TMEM163: variants seen among roughly 807,000 people sequenced by gnomAD.
The protein encoded by TMEM163 is transmembrane protein 163.
Under a neutral mutation model 29.3 loss-of-function variants are expected in TMEM163, and 17 were observed. The ratio of observed to expected loss-of-function variants is 0.58; its 90% CI spans 0.40 to 0.87. The LOEUF is 0.87. TMEM163 is among the 40% of genes least tolerant of loss of function. The pLI, the probability that TMEM163 is intolerant of heterozygous loss-of-function variation, is 0.00. For missense variants in TMEM163, 303 were observed against 381.5 expected (o/e 0.79, Z 1.71); for synonymous variants, 157 against 160.6 (o/e 0.98, Z 0.17).
intron 2 of TMEM163, among the ~76,000 whole-genome samples, chr2:134,605,054 G>C (rs1682320961): frequency 6.6e-6 from 1 of 151,786 alleles, no homozygotes; most frequent in Non-Finnish European, 1.5e-5. Flanking sequence ...TGGCGCATCT[G>C]TAATCTGAAC....
At chr2:134,660,991 G>A (rs184179878) in intron 2 of TMEM163, among the ~76,000 whole-genome samples, 3 of 152,284 alleles carry the variant, frequency 2.0e-5, no homozygotes, top group East Asian at 1.9e-4. Flanking sequence ...GAGGCGTTTC[G>A]GTCATGGGGG....
At chr2:134,584,222 T>G (rs1681759555) in intron 2 of TMEM163, among the ~76,000 whole-genome samples, 1 of 152,234 alleles carries the variant, frequency 6.6e-6, no homozygotes, top group Admixed American at 6.5e-5. Flanking sequence ...ATTTCTCAAC[T>G]GCTGCCAGCA....
chr2:134,497,834 G>C (rs901310659), intron 5 of TMEM163, among the ~76,000 whole-genome samples: 8 of 152,154 alleles, frequency 5.3e-5, no homozygotes, highest in African/African-American at 1.7e-4. Flanking sequence ...GACAGCTACA[G>C]CTGACTGAAG....
intron 2 of TMEM163, among the ~76,000 whole-genome samples, chr2:134,605,633 C>A (rs1682336857): frequency 6.6e-6 from 1 of 151,284 alleles, no homozygotes; most frequent in Non-Finnish European, 1.5e-5. Flanking sequence ...GGGAGGTGAG[C>A]TGAGATCGCG....
chr2:134,493,664 G>A (rs534013709), intron 5 of TMEM163, among the ~76,000 whole-genome samples: 4 of 152,090 alleles, frequency 2.6e-5, no homozygotes, highest in African/African-American at 4.8e-5. Context: ...GAGCCACTGC[G>A]CCCAGCCTTT....
rs571430811 is a variant in TMEM163 at position 134,456,604 on chromosome 2, C to A, written c.*112G>T. ...GCAGACCTTGTCTTGTAATGACAAA[C>A]CATGTGAAAGAAAACTTCCAAAAAG... On this transcript the variant is annotated 3_prime_UTR_variant, in exon 8 of 8. Transcript: ENST00000281924. 1.5e-6 allele frequency: 2 copies of A among 1,305,024 alleles called. No homozygotes were observed. Among genetic ancestry groups the A allele is most frequent in the East Asian group, 5.0e-5 (2 of 40,020 alleles). The allele number at this position is 1,305,024 out of a possible 1,614,324, so 80.8% of individuals were successfully genotyped here. A position where few individuals can be genotyped will look rare whatever the true frequency, so the allele number is the denominator to read the frequency against.
At chr2:134,708,559 A>G (rs6430532) in intron 2 of TMEM163, among the ~76,000 whole-genome samples, 1 of 150,902 alleles carries the variant, frequency 6.6e-6, no homozygotes, top group South Asian at 2.1e-4. Flanking sequence ...AATTTTTTAT[A>G]TATTTTTTAA....
chr2:134,681,471 T>C lies in TMEM163; in HGVS notation c.322+31729A>G, dbSNP rs1013097988. On this transcript the variant is annotated intron_variant, in intron 2 of 7. Transcript: ENST00000281924. ...AGGCCTTTGAAGAACTCTGCCTTCT[T>C]GCCCCACAGCGTACACACACAAAAC... is the stretch of plus-strand genomic sequence containing the variant. Among the ~76,000 whole-genome samples, 6 of 152,178 alleles carry C rather than the reference T, an allele frequency of 3.9e-5. No homozygotes were observed. The East Asian group carries it at 1.2e-3, about 29-fold the overall frequency.
At chr2:134,681,862 G>A (rs1017733797) in intron 2 of TMEM163, among the ~76,000 whole-genome samples, 27 of 152,134 alleles carry the variant, frequency 1.8e-4, no homozygotes, top group African/African-American at 6.5e-4. Flanking sequence ...AAAGCACCTT[G>A]GAAGTAGGCA....
At chr2:134,710,480 C>T (rs1684901659) in intron 2 of TMEM163, among the ~76,000 whole-genome samples, 1 of 152,102 alleles carries the variant, frequency 6.6e-6, no homozygotes, top group Non-Finnish European at 1.5e-5. Context: ...CCAGGAGATG[C>T]AACTCCAAGA....
intron 4 of TMEM163, among the ~76,000 whole-genome samples, chr2:134,510,810 T>G (rs552858665): frequency 2.0e-4 from 31 of 152,184 alleles, no homozygotes; most frequent in African/African-American, 6.7e-4. Flanking sequence ...CGGCCTAGGC[T>G]CCCAGGGCCA....
intron 2 of TMEM163, among the ~76,000 whole-genome samples, chr2:134,642,740 A>G (rs1036160369): frequency 2.6e-5 from 4 of 152,162 alleles, no homozygotes; most frequent in Non-Finnish European, 4.4e-5. Context: ...TTTAGAAACC[A>G]AACAACACAA....
intron 6 of TMEM163, among the ~76,000 whole-genome samples, chr2:134,464,728 C>T (rs554893522): frequency 6.6e-6 from 1 of 152,148 alleles, no homozygotes; most frequent in East Asian, 1.9e-4. Context: ...CACACCCCCA[C>T]CCTCACCCCC....
chr2:134,529,663 G>C (rs1437329808), intron 4 of TMEM163, among the ~76,000 whole-genome samples: 1 of 151,690 alleles, frequency 6.6e-6, no homozygotes, highest in African/African-American at 2.4e-5. Context: ...TGAGGCAAGA[G>C]AATCACTTGA....
chr2:134,624,372 C>A (rs1457521389), intron 2 of TMEM163, among the ~76,000 whole-genome samples: 1 of 152,104 alleles, frequency 6.6e-6, no homozygotes, highest in East Asian at 1.9e-4. Context: ...GACAGAAAAC[C>A]AGATACCGCA....
chr2:134,703,575 G>A (rs906662790), intron 2 of TMEM163, among the ~76,000 whole-genome samples: 1 of 152,124 alleles, frequency 6.6e-6, no homozygotes, highest in African/African-American at 2.4e-5. Flanking sequence ...GGATGGAAAT[G>A]CAGGAAGTCA....
At chr2:134,636,897 G>A (rs1462162791) in intron 2 of TMEM163, among the ~76,000 whole-genome samples, 2 of 152,164 alleles carry the variant, frequency 1.3e-5, no homozygotes, top group Non-Finnish European at 2.9e-5. Context: ...CTGACTCAGG[G>A]CAAAAGGACA....
At chr2:134,585,709 T>G (rs1224509973) in intron 2 of TMEM163, among the ~76,000 whole-genome samples, 2 of 147,490 alleles carry the variant, frequency 1.4e-5, no homozygotes, top group African/African-American at 5.1e-5. Context: ...GCCACTGCAC[T>G]CCAGCCTGGG....
chr2:134,537,415 C>T (rs529428776), intron 4 of TMEM163, among the ~76,000 whole-genome samples: 1 of 152,298 alleles, frequency 6.6e-6, no homozygotes, highest in Admixed American at 6.5e-5. Flanking sequence ...AGACTGTGTC[C>T]TTACAAGGCA....
Sources: gnomAD v4.1 joint callset for allele counts (sites outside exome capture counted in the v4.1 genomes callset) on GRCh38, gnomAD v4.1.1 for gene constraint, MANE v1.5 for transcripts, NCBI Gene and HGNC (gene_info 2026-07-23, HGNC 2026-07-21) for gene names.